The following COMMD1 variants were observed in gnomAD, a reference collection of about 807,000 sequenced individuals.
COMMD1 encodes the protein COMM domain-containing protein 1.
In COMMD1, 10 loss-of-function variants were observed where a neutral mutation model predicts 17.2. The ratio of observed to expected loss-of-function variants is 0.58; its 90% CI spans 0.36 to 0.99. The LOEUF is 0.99. Among genes scored for constraint, COMMD1 ranks in the 50% least tolerant of loss-of-function variants. COMMD1 has a pLI of 0.01. For synonymous variants in COMMD1, 97 were observed against 91.6 expected (o/e 1.06, Z -0.34); for missense variants, 270 against 231.8 (o/e 1.17, Z -1.07).
chr2:61,961,744 C>A (rs1204149610), intron 1 of COMMD1, among the ~76,000 whole-genome samples: 1 of 151,154 alleles, frequency 6.6e-6, no homozygotes, highest in African/African-American at 2.4e-5. Context: ...CAATTTTTAT[C>A]TTTTTGCCTT....
chr2:61,998,359 A>T (rs1048842918), intron 1 of COMMD1, among the ~76,000 whole-genome samples: 3 of 149,570 alleles, frequency 2.0e-5, no homozygotes, highest in Admixed American at 6.8e-5. Flanking sequence ...TCCTGGATTC[A>T]TGCATTTCTC....
chr2:62,044,847 A>G (rs1670336352), intron 2 of COMMD1, among the ~76,000 whole-genome samples: 1 of 152,092 alleles, frequency 6.6e-6, no homozygotes, highest in Non-Finnish European at 1.5e-5. Flanking sequence ...TAAAAAAAAA[A>G]AAAAAAAAAG....
At chr2:62,122,444 CTTTTTTT>C (rs372131423) in intron 2 of COMMD1, among the ~76,000 whole-genome samples, 1 of 126,904 alleles carries the variant, frequency 7.9e-6, no homozygotes, top group Non-Finnish European at 1.7e-5. Context: ...TCTTTCTTTT[CTTTTTTT>C]TTTTTTTTGT....
At chr2:62,036,254 A>G (rs771537896) in intron 2 of COMMD1, among the ~76,000 whole-genome samples, 3 of 152,234 alleles carry the variant, frequency 2.0e-5, no homozygotes, top group Admixed American at 6.5e-5. Flanking sequence ...GACAAGTTAC[A>G]TAATAATACT....
chr2:62,034,361 G>A (rs143675645), intron 2 of COMMD1, among the ~76,000 whole-genome samples: 32 of 152,074 alleles, frequency 2.1e-4, no homozygotes, highest in East Asian at 1.9e-3. Flanking sequence ...TTAGCCAGGC[G>A]TGGTGGCAGG....
chr2:61,936,746 T>A (rs2103623616), intron 1 of COMMD1, among the ~76,000 whole-genome samples: 1 of 152,260 alleles, frequency 6.6e-6, no homozygotes. Context: ...CATACAGTTT[T>A]TGGAGTATTT....
intron 1 of COMMD1, among the ~76,000 whole-genome samples, chr2:61,950,856 G>T (rs903997083): frequency 5.3e-5 from 8 of 152,146 alleles, no homozygotes; most frequent in South Asian, 2.1e-4. Flanking sequence ...TCAGATTGGC[G>T]CACAAGTTAA....
At position 61,963,252 on chromosome 2, in the gene COMMD1, T is replaced by C. The variant is rs889277442; in HGVS notation, c.181-37449T>C. ...ACATATATACACACACACACACACA[T>C]ATATATTTGTAAGTATAGGACTTTC... is the stretch of plus-strand genomic sequence containing the variant. On this transcript the variant is annotated intron_variant, in intron 1 of 2. Coordinates refer to ENST00000311832, the MANE Select transcript of COMMD1 (RefSeq NM_152516.4). Among the ~76,000 whole-genome samples, 56 of 148,188 alleles carry C rather than the reference T, an allele frequency of 3.8e-4. No homozygotes were observed. In the South Asian group the frequency reaches 7.2e-3, roughly 19 times the overall value.
chr2:62,082,589 C>CG (rs1671553802), intron 2 of COMMD1, among the ~76,000 whole-genome samples: 3 of 152,198 alleles, frequency 2.0e-5, no homozygotes, highest in African/African-American at 7.2e-5. Flanking sequence ...TGGCCGGGTG[C>CG]GGTGGCTCAC....
At chr2:62,099,782 C>G (rs1324240845) in intron 2 of COMMD1, among the ~76,000 whole-genome samples, 1 of 152,006 alleles carries the variant, frequency 6.6e-6, no homozygotes, top group Non-Finnish European at 1.5e-5. Context: ...GTTTCCTGGA[C>G]AAGCCTTCTT....
intron 1 of COMMD1, among the ~76,000 whole-genome samples, chr2:61,972,111 C>G (rs2103726593): frequency 6.6e-6 from 1 of 152,040 alleles, no homozygotes; most frequent in East Asian, 1.9e-4. Flanking sequence ...CAGAACAAGA[C>G]TCTGTTTAAA....
At position 62,122,441 on chromosome 2, in the gene COMMD1, T is replaced by TTC. The variant is rs1464473000; in HGVS notation, c.463-13389_463-13388insCT. On this transcript the variant is annotated intron_variant, in intron 2 of 2. Coordinates refer to ENST00000311832, the MANE Select transcript of COMMD1 (RefSeq NM_152516.4). ...AAGGAAAATCTCTAAGTTTCTTTCT[T>TTC]TTCTTTTTTTTTTTTTTTGTCTAGT... is the stretch of plus-strand genomic sequence containing the variant. 6.2e-3 allele frequency among the ~76,000 whole-genome samples: 378 copies of TTC among 61,056 alleles called. 1 individual carries two copies. The highest frequency in any genetic ancestry group is 0.036 in the African/African-American group (366 of 10,110). 40.1% of individuals were successfully genotyped at this position (61,056 alleles called of 152,430 possible).
intron 1 of COMMD1, among the ~76,000 whole-genome samples, chr2:61,900,267 G>T (rs996587571): frequency 6.6e-6 from 1 of 152,226 alleles, no homozygotes; most frequent in African/African-American, 2.4e-5. Flanking sequence ...TTCGGTCCAA[G>T]AAGTCAGGAT....
intron 2 of COMMD1, among the ~76,000 whole-genome samples, chr2:62,120,325 T>G (rs989874826): frequency 9.2e-5 from 14 of 151,526 alleles, no homozygotes; most frequent in African/African-American, 3.4e-4. Flanking sequence ...TTTTCTTCAA[T>G]TCCTCTCTGT....
At chr2:62,108,460 G>A (rs1449060247) in intron 2 of COMMD1, among the ~76,000 whole-genome samples, 3 of 152,158 alleles carry the variant, frequency 2.0e-5, no homozygotes, top group African/African-American at 7.2e-5. Context: ...GTGGTAAATT[G>A]TAGAGATGTA....
intron 1 of COMMD1, among the ~76,000 whole-genome samples, chr2:61,971,486 T>C (rs903774858): frequency 2.0e-5 from 3 of 152,148 alleles, no homozygotes; most frequent in Non-Finnish European, 4.4e-5. Context: ...TGCCTGGTAC[T>C]GTGGCGTGCC....
At chr2:62,008,451 A>G (rs1044327811) in intron 2 of COMMD1, among the ~76,000 whole-genome samples, 4 of 152,166 alleles carry the variant, frequency 2.6e-5, no homozygotes, top group Admixed American at 6.5e-5. Flanking sequence ...TAAGGATAGG[A>G]TATAGGGATT....
chr2:62,113,644 A>G (rs1672515788), intron 2 of COMMD1, among the ~76,000 whole-genome samples: 1 of 152,194 alleles, frequency 6.6e-6, no homozygotes, highest in Admixed American at 6.5e-5. Context: ...TTGGCCTCCC[A>G]AAGTGCTGGG....
chr2:61,979,969 A>C, intron 1 of COMMD1, among the ~76,000 whole-genome samples: 1 of 95,838 alleles, frequency 1.0e-5, no homozygotes, highest in Non-Finnish European at 2.1e-5. Flanking sequence ...TCATTGTTCA[A>C]TTCCCACCTA....
Sources: allele counts gnomAD v4.1 joint callset (sites outside exome capture counted in the v4.1 genomes callset), GRCh38; gene constraint gnomAD v4.1.1; transcripts MANE v1.5; gene names NCBI Gene and HGNC (gene_info 2026-07-23, HGNC 2026-07-21).